CAMKMT: variants seen among roughly 807,000 people sequenced by gnomAD.
CAMKMT encodes CaM KMT.
CAMKMT carries 53 observed loss-of-function variants against 48.0 expected under a neutral mutation model. The ratio of observed to expected loss-of-function variants is 1.10; its 90% CI spans 0.89 to 1.39. CAMKMT has a LOEUF of 1.39. Ranked by LOEUF, CAMKMT falls within the 40% of genes most tolerant of loss-of-function variation. CAMKMT has a pLI of 0.00. For missense variants in CAMKMT, 428 were observed against 402.7 expected (o/e 1.06, Z -0.54); for synonymous variants, 165 against 152.3 (o/e 1.08, Z -0.61).
intron 3 of CAMKMT, among the ~76,000 whole-genome samples, chr2:44,506,468 C>T (rs1351453836): frequency 6.6e-6 from 1 of 152,084 alleles, no homozygotes; most frequent in Middle Eastern, 3.2e-3. Flanking sequence ...TCTGATTATA[C>T]TGTTTTAAAC....
intron 3 of CAMKMT, among the ~76,000 whole-genome samples, chr2:44,423,311 C>G (rs1166047010): frequency 6.6e-6 from 1 of 152,148 alleles, no homozygotes; most frequent in East Asian, 1.9e-4. Flanking sequence ...TCCTGAGTAG[C>G]TGGGATTACA....
At chr2:44,436,707 C>G (rs930562943) in intron 3 of CAMKMT, among the ~76,000 whole-genome samples, 15 of 151,918 alleles carry the variant, frequency 9.9e-5, no homozygotes, top group African/African-American at 3.6e-4. Context: ...TGTCAGTAAG[C>G]CCTATAGGTA....
intron 2 of CAMKMT, among the ~76,000 whole-genome samples, chr2:44,376,185 T>C (rs1572672181): frequency 6.6e-6 from 1 of 151,820 alleles, no homozygotes; most frequent in East Asian, 2.0e-4. Context: ...CTGAGAAGGG[T>C]GGATCACTTG....
chr2:44,516,263 C>T (rs374913058), intron 3 of CAMKMT, among the ~76,000 whole-genome samples: 1 of 152,152 alleles, frequency 6.6e-6, no homozygotes, highest in Admixed American at 6.5e-5. Context: ...TTTAGAAACA[C>T]TTAATGAAGT....
At chr2:44,458,551 C>G (rs1414093229) in intron 3 of CAMKMT, among the ~76,000 whole-genome samples, 2 of 152,182 alleles carry the variant, frequency 1.3e-5, no homozygotes, top group African/African-American at 4.8e-5. Context: ...GGTCTGCTTT[C>G]AGGGGTTTGT....
intron 7 of CAMKMT, among the ~76,000 whole-genome samples, chr2:44,740,203 A>G (rs1401391796): frequency 6.9e-6 from 1 of 145,900 alleles, no homozygotes; most frequent in Non-Finnish European, 1.5e-5. Flanking sequence ...ATCATGGCTC[A>G]CTGCAGCCTT....
intron 3 of CAMKMT, among the ~76,000 whole-genome samples, chr2:44,438,970 A>G (rs1666467294): frequency 6.6e-6 from 1 of 152,096 alleles, no homozygotes; most frequent in Non-Finnish European, 1.5e-5. Flanking sequence ...GTAACCGCAT[A>G]GTGTCCTGTG....
intron 3 of CAMKMT, among the ~76,000 whole-genome samples, chr2:44,407,751 A>T (rs1453075127): frequency 6.6e-6 from 1 of 152,218 alleles, no homozygotes; most frequent in African/African-American, 2.4e-5. Flanking sequence ...CATCTTGGGT[A>T]GGTTAAGATA....
intron 3 of CAMKMT, among the ~76,000 whole-genome samples, chr2:44,461,172 A>G (rs1200526364): frequency 6.6e-6 from 1 of 152,236 alleles, no homozygotes; most frequent in Admixed American, 6.5e-5. Flanking sequence ...AAGGAAAATA[A>G]TAAATAAATT....
chr2:44,511,212 T>C (rs1420620281), intron 3 of CAMKMT, among the ~76,000 whole-genome samples: 1 of 152,222 alleles, frequency 6.6e-6, no homozygotes, highest in African/African-American at 2.4e-5. Flanking sequence ...ATACGATATT[T>C]AGTTTTCCAT....
intron 3 of CAMKMT, among the ~76,000 whole-genome samples, chr2:44,490,420 C>T (rs1413047628): frequency 6.6e-6 from 1 of 152,118 alleles, no homozygotes; most frequent in East Asian, 1.9e-4. Context: ...GGATTACAGG[C>T]ATGCGCCACC....
chr2:44,518,547 CAATTA>C (rs1670946655), intron 3 of CAMKMT, among the ~76,000 whole-genome samples: 1 of 152,160 alleles, frequency 6.6e-6, no homozygotes, highest in East Asian at 1.9e-4. Context: ...TTAGTCAACT[CAATTA>C]AATTATTTAC....
intron 3 of CAMKMT, among the ~76,000 whole-genome samples, chr2:44,539,799 C>A (rs1572749298): frequency 1.3e-5 from 2 of 152,008 alleles, no homozygotes; most frequent in Admixed American, 1.3e-4. Flanking sequence ...AAGCATATTA[C>A]CAGAAATGAT....
At chr2:44,412,909 C>G (rs1683307156) in intron 3 of CAMKMT, among the ~76,000 whole-genome samples, 1 of 151,274 alleles carries the variant, frequency 6.6e-6, no homozygotes, top group Non-Finnish European at 1.5e-5. Context: ...AACCCCGTCT[C>G]CACTAAAAAT....
chr2:44,588,152 C>T (rs958146993), intron 3 of CAMKMT, among the ~76,000 whole-genome samples: 2 of 135,890 alleles, frequency 1.5e-5, no homozygotes, highest in East Asian at 2.1e-4. Flanking sequence ...ATGTGAGGAG[C>T]GCCTCTGCCC....
rs1240577467 is a variant in CAMKMT at position 44,431,789 on chromosome 2, A to C, written c.376+41484A>C. On this transcript the variant is annotated intron_variant, in intron 3 of 10. Coordinates refer to ENST00000378494, the MANE Select transcript of CAMKMT (RefSeq NM_024766.5). ...GCCTTTCTTCTGGTGGATGCCCCTG[A>C]TGAAAACCAAGTGGTAATAGACAAC... Among the ~76,000 whole-genome samples, 9 of 152,248 alleles carry C rather than the reference A, an allele frequency of 5.9e-5. No individual in the cohort carries two copies. In the East Asian group the frequency reaches 1.7e-3, roughly 29 times the overall value.
chr2:44,652,645 G>A (rs1033420878), intron 3 of CAMKMT, among the ~76,000 whole-genome samples: 5 of 152,306 alleles, frequency 3.3e-5, no homozygotes, highest in South Asian at 2.1e-4. Context: ...ACACACGTGC[G>A]TACAGACACA....
intron 3 of CAMKMT, among the ~76,000 whole-genome samples, chr2:44,483,066 C>T (rs959328091): frequency 2.0e-5 from 3 of 152,100 alleles, no homozygotes; most frequent in Non-Finnish European, 2.9e-5. Flanking sequence ...ATGTTGTGGG[C>T]AAGACATGTG....
At chr2:44,624,649 A>T (rs1048846468) in intron 3 of CAMKMT, among the ~76,000 whole-genome samples, 1 of 152,206 alleles carries the variant, frequency 6.6e-6, no homozygotes, top group Non-Finnish European at 1.5e-5. Context: ...CCTACAAAGG[A>T]CATGAACTCA....
Sources: gnomAD v4.1 joint callset for allele counts (sites outside exome capture counted in the v4.1 genomes callset) on GRCh38, gnomAD v4.1.1 for gene constraint, MANE v1.5 for transcripts, NCBI Gene and HGNC (gene_info 2026-07-23, HGNC 2026-07-21) for gene names.